Variants in CUL7 observed in about 807,000 individuals in gnomAD.
The protein encoded by CUL7 is cullin 7.
Under a neutral mutation model 177.7 loss-of-function variants are expected in CUL7, and 96 were observed. The observed-to-expected ratio is 0.54, with a 90% confidence interval of 0.46 to 0.64. The LOEUF (loss-of-function observed/expected upper bound fraction) is 0.64, where lower values mean the gene tolerates loss of function less well. Ranked by LOEUF, CUL7 falls within the 30% of genes least tolerant of loss-of-function variation. CUL7 has a pLI of 0.00. For synonymous variants in CUL7, 824 were observed against 890.2 expected, an observed-to-expected ratio of 0.93 and a Z score of 1.32; for missense variants, 1,893 against 2,187.9, an observed-to-expected ratio of 0.87 and a Z score of 2.69.
At position 43,045,563 on chromosome 6, in the gene CUL7, C is replaced by T; in HGVS notation, c.2862+24G>A. The T allele has an allele frequency of 7.4e-6, 12 of 1,613,932 alleles. No individual in the cohort carries two copies. Among genetic ancestry groups the T allele is most frequent in the Non-Finnish European group, 1.0e-5 (12 of 1,179,922 alleles). On this transcript the variant is annotated intron_variant, in intron 14 of 25. Transcript: ENST00000265348. This position sits in a 1 kb window ranked among gnomAD's most constrained non-coding sequence, Gnocchi z 4.8. ...GGGCTCAGAGCCCCCTACCCAGGGC[C>T]ACACCCCACATCCCTGGCCCCACCT... is the stretch of plus-strand genomic sequence containing the variant.
At position 43,051,518 on chromosome 6, in the gene CUL7, CCTCT is replaced by C; in HGVS notation, c.733-54_733-51del. 1 of 1,613,970 alleles carries C rather than the reference CCTCT, an allele frequency of 6.2e-7. No homozygotes were observed. Among genetic ancestry groups the C allele is most frequent in the Non-Finnish European group, 8.5e-7 (1 of 1,179,996 alleles). On this transcript the variant is annotated intron_variant, in intron 3 of 25. Coordinates refer to ENST00000265348, the MANE Select transcript of CUL7 (RefSeq NM_014780.5). This position sits in a 1 kb window ranked among gnomAD's most constrained non-coding sequence, Gnocchi z 5.0. The stretch of plus-strand genomic sequence containing the variant: ...TATCCACCTTGTCCCAGTTTAAGCC[CCTCT>C]CTCCATACCATCCTCTGCAGATAGG...
chr6:43,052,079 C>A lies in CUL7; in HGVS notation c.580+130G>T. Reference sequence around the variant, plus strand: ...CCATGCCCACCTCCTTTTCTTCCAACTCTAAGAGAAGGGCAACAGAATCAT... The same window carrying A: ...CCATGCCCACCTCCTTTTCTTCCAAATCTAAGAGAAGGGCAACAGAATCAT... On this transcript the variant is annotated intron_variant, in intron 2 of 25. Transcript: ENST00000265348. This position sits in a 1 kb window ranked among gnomAD's most constrained non-coding sequence, Gnocchi z 4.5. 6.6e-7 allele frequency: 1 copy of A among 1,510,310 alleles called. No homozygotes were observed. The highest frequency in any genetic ancestry group is 8.9e-7 in the Non-Finnish European group (1 of 1,122,604). 93.6% of individuals were successfully genotyped at this position (1,510,310 alleles called of 1,614,324 possible).
chr6:43,051,316 C>A lies in CUL7; in HGVS notation c.885G>T (p.Glu295Asp), dbSNP rs772110611. The change falls in exon 4 of 26, where the codon GAG (glutamate) becomes GAT (aspartate). Residue 295 changes from glutamate (E) to aspartate (D), a missense_variant. By Grantham distance (45) the Glu-to-Asp change is conservative. Around this residue, in one of 5 missense-constraint regions of CUL7, gnomAD observed 653 missense variants for 725.2 expected, o/e 0.90. Transcript: ENST00000265348. This position sits in a 1 kb window ranked among gnomAD's most constrained non-coding sequence, Gnocchi z 5.0. ...TCAGGGTGCCCATGGCCATACTGAA[C>A]TCCAGCTCCAGTTGACCCCTCTCCC... The part of the protein sequence containing the change: ...LSGERGQLEL[E>D]FSMAMGTLIS... 5 of 1,610,074 alleles carry A rather than the reference C, an allele frequency of 3.1e-6. No homozygotes were observed. The South Asian group carries it at 5.5e-5, about 18-fold the overall frequency.
Position 43,040,017 on chromosome 6 carries a change from G to A in CUL7, c.4294+139C>T, listed in dbSNP as rs1581907553. ...GGCCTCCCAAAGTGCTGGGATTACA[G>A]GCGTGAGCACTGTGCCCAGCCAAAG... On this transcript the variant is annotated intron_variant, in intron 22 of 25. Transcript: ENST00000265348. This position sits in a 1 kb window ranked among gnomAD's most constrained non-coding sequence, Gnocchi z 4.2. 1.9e-6 allele frequency: 2 copies of A among 1,051,696 alleles called. No individual in the cohort carries two copies. The highest frequency in any genetic ancestry group is 4.8e-5 in the East Asian group (2 of 42,086). The allele number at this position is 1,051,696 out of a possible 1,614,324, so 65.1% of individuals were successfully genotyped here.
At position 43,052,866 on chromosome 6, in the gene CUL7, G is replaced by T; in HGVS notation, c.-8-70C>A. ...GAGGTCAGAAAATCAAAGATATCCA[G>T]GAGGTGGGGAAGCAAATGGCAACAG... is the stretch of plus-strand genomic sequence containing the variant. On this transcript the variant is annotated intron_variant, in intron 1 of 25. Coordinates refer to ENST00000265348, the MANE Select transcript of CUL7 (RefSeq NM_014780.5). The surrounding 1 kb of genome is among the most constrained non-coding windows in gnomAD (Gnocchi z 4.5). 6.6e-7 allele frequency: 1 copy of T among 1,505,768 alleles called. No homozygotes were observed. Among genetic ancestry groups the T allele is most frequent in the East Asian group, 2.4e-5 (1 of 41,404 alleles). The allele number at this position is 1,505,768 out of a possible 1,614,324, so 93.3% of individuals were successfully genotyped here.
Position 43,046,659 on chromosome 6 carries a change from C to T in CUL7, c.2398-58G>A, listed in dbSNP as rs947195370. 1.9e-6 allele frequency: 3 copies of T among 1,604,056 alleles called. No homozygotes were observed. In the African/African-American group the frequency reaches 4.0e-5, roughly 21 times the overall value. On this transcript the variant is annotated intron_variant, in intron 10 of 25. Coordinates refer to ENST00000265348, the MANE Select transcript of CUL7 (RefSeq NM_014780.5). ...GGGGCAGAAGGAACACGGAGACACA[C>T]ACGGAAACACGGATGAAGGAGAGAC...
intron 19 of CUL7, 145 bp downstream of exon 19, chr6:43,042,657 A>T: frequency 7.6e-6 from 5 of 661,402 alleles, no homozygotes; most frequent in Middle Eastern, 4.1e-4. Flanking sequence ...TATTTTTTTC[A>T]ATTTTTTAAA....
rs755095253 is a variant in CUL7, at chr6:43,050,986, G to A, written c.1215C>T (p.Asn405=). 56 of 1,614,050 alleles carry A rather than the reference G, an allele frequency of 3.5e-5. 2 individuals carry two copies. The South Asian group carries it at 3.5e-4, about 10-fold the overall frequency. ...CACTCACCTGCACAGGAGGCACACC[G>A]TTGTTGCTCTGCCGAAACTCGCCCT... is the stretch of plus-strand genomic sequence containing the variant. ...GDEGEFRQSN[N]GVPPVQVFWE... is the part of the protein sequence containing the mutation. The change falls in exon 4 of 26, where the codon AAC becomes AAT. Residue 405 remains asparagine (N), a synonymous_variant. Coordinates refer to ENST00000265348, the MANE Select transcript of CUL7 (RefSeq NM_014780.5). This position sits in a 1 kb window ranked among gnomAD's most constrained non-coding sequence, Gnocchi z 4.1.
At position 43,038,418 on chromosome 6, in the gene CUL7, A is replaced by G. The variant is rs1763134782; in HGVS notation, c.4622T>C (p.Val1541Ala). 6.2e-7 allele frequency: 1 copy of G among 1,614,028 alleles called. No homozygotes were observed. The highest frequency in any genetic ancestry group is 1.7e-5 in the Admixed American group (1 of 60,004). Reference sequence around the variant, plus strand: ...GTACGTCTGAGGTGGGATGAGCCGCACAATGTCCCATCTCGACCTGGGTTC... The same window carrying G: ...GTACGTCTGAGGTGGGATGAGCCGCGCAATGTCCCATCTCGACCTGGGTTC... ...SKEPRSRWDI[V>A]RLIPPQTYLQ... The change falls in exon 25 of 26, where the codon GTG becomes GCG. Residue 1541 changes from valine to alanine, a missense_variant. By Grantham distance (64) the Val-to-Ala change is moderately conservative (BLOSUM62 0). Around this residue, in one of 5 missense-constraint regions of CUL7, gnomAD observed 248 missense variants for 262.5 expected, o/e 0.94. Transcript: ENST00000265348.
rs2150315991 is a variant in CUL7, at chr6:43,042,977, T to C, written c.3470A>G (p.Asn1157Ser). 2 of 1,613,826 alleles carry C rather than the reference T, an allele frequency of 1.2e-6. No homozygotes were observed. Among genetic ancestry groups the C allele is most frequent in the Non-Finnish European group, 1.7e-6 (2 of 1,179,964 alleles). Residue 1157 changes from asparagine (N) to serine (S), a missense_variant, in exon 19 of 26, where the codon AAT (asparagine) becomes AGT (serine). Around this residue, in one of 5 missense-constraint regions of CUL7, gnomAD observed 973 missense variants for 1,140.9 expected, o/e 0.85. Coordinates refer to ENST00000265348, the MANE Select transcript of CUL7 (RefSeq NM_014780.5). ...WRAVVEKQVNNFLTSSWRDDD... is the reference protein window; with the variant it reads ...WRAVVEKQVNSFLTSSWRDDD... ...ATCCCGCCAGGATGAGGTCAGAAAA[T>C]TGTTCACCTGGAAGGAAGGGGCAGG...
Position 43,051,111 on chromosome 6 carries a change from C to T in CUL7, c.1090G>A (p.Ala364Thr), listed in dbSNP as rs765324522. The change falls in exon 4 of 26, where the codon GCA becomes ACA. Residue 364 changes from alanine to threonine, a missense_variant. Ala to Thr is a moderately conservative substitution (Grantham distance 58). Around this residue, in one of 5 missense-constraint regions of CUL7, gnomAD observed 653 missense variants for 725.2 expected, o/e 0.90. Coordinates refer to ENST00000265348, the MANE Select transcript of CUL7 (RefSeq NM_014780.5). This position sits in a 1 kb window ranked among gnomAD's most constrained non-coding sequence, Gnocchi z 5.0. ...SRRFRPRSEF[A>T]SGNTYALYVR... ...TACAAAGCATAGGTATTGCCACTTG[C>T]GAACTCAGAACGAGGGCGAAAACGT... 22 of 1,614,200 alleles carry T rather than the reference C, an allele frequency of 1.4e-5. No homozygotes were observed. Among genetic ancestry groups the T allele is most frequent in the Middle Eastern group, 1.6e-4 (1 of 6,062 alleles).
chr6:43,038,386 C>T lies in CUL7; in HGVS notation c.4654G>A (p.Ala1552Thr). 1 of 1,614,204 alleles carries T rather than the reference C, an allele frequency of 6.2e-7. No homozygotes were observed. The highest frequency in any genetic ancestry group is 8.5e-7 in the Non-Finnish European group (1 of 1,180,020). Residue 1552 changes from alanine (A) to threonine (T), a missense_variant, in exon 25 of 26, where the codon GCT (alanine) becomes ACT (threonine). Physicochemically the swap from Ala to Thr is moderately conservative, Grantham distance 58. Transcript: ENST00000265348. The part of the protein sequence containing the change: ...RLIPPQTYLQ[A>T]EGEDGQNLEK... ...AAGTTCTGGCCGTCTTCACCCTCAG[C>T]TTGCAGGTACGTCTGAGGTGGGATG...
chr6:43,040,297 C>T lies in CUL7; in HGVS notation c.4153G>A (p.Ala1385Thr). The T allele has an allele frequency of 6.2e-7, 1 of 1,614,082 alleles. No homozygotes were observed. The highest frequency in any genetic ancestry group is 1.1e-5 in the South Asian group (1 of 91,082). The change falls in exon 22 of 26, where the codon GCA (alanine) becomes ACA (threonine). Residue 1385 changes from alanine to threonine, a missense_variant. Physicochemically the swap from Ala to Thr is moderately conservative, Grantham distance 58 (BLOSUM62 0). Coordinates refer to ENST00000265348, the MANE Select transcript of CUL7 (RefSeq NM_014780.5). The surrounding 1 kb of genome is among the most constrained non-coding windows in gnomAD (Gnocchi z 4.2). ...ACAAGCACAGACACTTCTGGCATTG[C>T]CCCTTCATAGTAGAGGTCCTCATTC... ...EENEDLYYEG[A>T]MPEVSVLVLS...
Position 43,037,733 on chromosome 6 carries a change from G to T in CUL7, c.5052C>A (p.Pro1684=). 1 of 1,568,268 alleles carries T rather than the reference G, an allele frequency of 6.4e-7. No individual in the cohort carries two copies. Among genetic ancestry groups the T allele is most frequent in the South Asian group, 1.2e-5 (1 of 85,470 alleles). Residue 1684 remains proline (P), a synonymous_variant, in exon 26 of 26, where the codon CCC becomes CCA. Coordinates refer to ENST00000265348, the MANE Select transcript of CUL7 (RefSeq NM_014780.5). ...TCTGGGTGGCAGTGCAGGAGGCATA[G>T]GGCACACCCCGGGAGCGAATCTGTA... The part of the protein sequence containing the change: ...HTLQIRSRGV[P]YASCTATQSF...
In CUL7 at chr6:43,045,906, A is replaced by G. The variant is rs1423388856; in HGVS notation, c.2766+80T>C. ...CTCAAGACAGGTGGGAGTTAGAAAA[A>G]AGTAGGATAGGGCCAGATAGAAGCA... On this transcript the variant is annotated intron_variant, in intron 13 of 25. Coordinates refer to ENST00000265348, the MANE Select transcript of CUL7 (RefSeq NM_014780.5). The surrounding 1 kb of genome is among the most constrained non-coding windows in gnomAD (Gnocchi z 4.8). The G allele has an allele frequency of 2.4e-6, 3 of 1,269,598 alleles. No homozygotes were observed. Among genetic ancestry groups the G allele is most frequent in the African/African-American group, 3.0e-5 (2 of 67,766 alleles). 78.6% of individuals were successfully genotyped at this position (1,269,598 alleles called of 1,614,324 possible).
rs1388307296 is a variant in CUL7 at position 43,037,693 on chromosome 6, G to A, written c.5092C>T (p.Arg1698Trp). The change falls in exon 26 of 26, where the codon CGG becomes TGG. Residue 1698 changes from arginine to tryptophan, a missense_variant. Coordinates refer to ENST00000265348, the MANE Select transcript of CUL7 (RefSeq NM_014780.5). ...CCCTGACCCCAAGTCTAGGGCTACC[G>A]GAAGGTAGAGAAGCTCTGGGTGGCA... is the stretch of plus-strand genomic sequence containing the variant. Reference protein sequence around the residue: ...CTATQSFSTFR With the variant: ...CTATQSFSTFW 29 of 1,553,904 alleles carry A rather than the reference G, an allele frequency of 1.9e-5. No homozygotes were observed. Among genetic ancestry groups the A allele is most frequent in the Non-Finnish European group, 2.3e-5 (26 of 1,148,098 alleles).
At position 43,053,003 on chromosome 6, in the gene CUL7, T is replaced by C. The variant is rs894718585; in HGVS notation, c.-8-207A>G. Among the ~76,000 whole-genome samples the C allele has an allele frequency of 6.6e-6, 1 of 151,848 alleles. No homozygotes were observed. The highest frequency in any genetic ancestry group is 6.6e-5 in the Admixed American group (1 of 15,242). On this transcript the variant is annotated intron_variant, in intron 1 of 25. Coordinates refer to ENST00000265348, the MANE Select transcript of CUL7 (RefSeq NM_014780.5). The surrounding 1 kb of genome is among the most constrained non-coding windows in gnomAD (Gnocchi z 4.1). The stretch of plus-strand genomic sequence containing the variant: ...TGTTTGTTGTGAAAGAACACAAAAT[T>C]TGGGGGCTAAAAGGAAGGTCCCCAA...
Position 43,043,762 on chromosome 6 carries a change from T to C in CUL7, c.3173-132A>G, listed in dbSNP as rs1763651967. ...AAGGAAGGGGGGCCAGGTAGGGTGG[T>C]TTACGCCTGTAATCCCAGCACTTTG... On this transcript the variant is annotated intron_variant, in intron 16 of 25. Coordinates refer to ENST00000265348, the MANE Select transcript of CUL7 (RefSeq NM_014780.5). The surrounding 1 kb of genome is among the most constrained non-coding windows in gnomAD (Gnocchi z 4.2). 1.4e-6 allele frequency: 1 copy of C among 717,200 alleles called. No individual in the cohort carries two copies. Among genetic ancestry groups the C allele is most frequent in the Non-Finnish European group, 2.5e-6 (1 of 392,752 alleles). 44.4% of individuals were successfully genotyped at this position (717,200 alleles called of 1,614,324 possible).
chr6:43,053,520 C>T lies in CUL7; in HGVS notation c.-9+102G>A, dbSNP rs1407551719. ...GATTAGGCCCCATAAGCTAGAACCC[C>T]GAGGCACGGTAGGATGGGGACCGAG... On this transcript the variant is annotated intron_variant, in intron 1 of 25. Transcript: ENST00000265348. The surrounding 1 kb of genome is among the most constrained non-coding windows in gnomAD (Gnocchi z 4.1). 1 of 803,408 alleles carries T rather than the reference C, an allele frequency of 1.2e-6. No individual in the cohort carries two copies. Among genetic ancestry groups the T allele is most frequent in the Non-Finnish European group, 1.7e-6 (1 of 577,038 alleles). 49.8% of individuals were successfully genotyped at this position (803,408 alleles called of 1,614,324 possible).
Sources: gnomAD v4.1 joint callset for allele counts (sites outside exome capture counted in the v4.1 genomes callset) on GRCh38, gnomAD v4.1.1 for gene constraint, gnomAD v4.1.1 regional missense constraint, Gnocchi (gnomAD v3.1) non-coding constraint, MANE v1.5 for transcripts, NCBI Gene and HGNC (gene_info 2026-07-23, HGNC 2026-07-21) for gene names.